PCBD2: variants seen among roughly 807,000 people sequenced by gnomAD.
PCBD2 encodes the protein pterin-4 alpha-carbinolamine dehydratase 2.
In PCBD2, 12 loss-of-function variants were observed where a neutral mutation model predicts 16.4. The observed-to-expected ratio is 0.73, with a 90% CI of 0.47 to 1.19. PCBD2 has a LOEUF of 1.19. Among genes scored for constraint, PCBD2 ranks in the 50% most tolerant of loss-of-function variants. The pLI is 0.00. For synonymous variants in PCBD2, 58 were observed against 61.8 expected (o/e 0.94, Z 0.29); for missense variants, 138 against 156.8 (o/e 0.88, Z 0.64).
chr5:134,936,366 G>A (rs977627171), intron 2 of PCBD2, among the ~76,000 whole-genome samples: 2 of 152,154 alleles, frequency 1.3e-5, no homozygotes, highest in Non-Finnish European at 2.9e-5. Context: ...ATAGCTCTCT[G>A]TGGTTAACCT....
intron 2 of PCBD2, among the ~76,000 whole-genome samples, chr5:134,936,603 C>T (rs1438251409): frequency 6.6e-6 from 1 of 152,184 alleles, no homozygotes; most frequent in Non-Finnish European, 1.5e-5. Context: ...GTTTTGCTGA[C>T]CATGATCCTT....
At chr5:134,936,444 G>C (rs1250065197) in intron 2 of PCBD2, among the ~76,000 whole-genome samples, 2 of 152,282 alleles carry the variant, frequency 1.3e-5, no homozygotes, top group African/African-American at 4.8e-5. Context: ...CCAGAGCCCA[G>C]GAAGGTGCTG....
chr5:134,956,390 A>G (rs1751415476), intron 2 of PCBD2, among the ~76,000 whole-genome samples: 1 of 152,152 alleles, frequency 6.6e-6, no homozygotes, highest in Non-Finnish European at 1.5e-5. Context: ...CTGTGATGGA[A>G]TAGATTTTGC....
intron 2 of PCBD2, among the ~76,000 whole-genome samples, chr5:134,920,248 A>G (rs572855063): frequency 6.6e-6 from 1 of 152,338 alleles, no homozygotes; most frequent in African/African-American, 2.4e-5. Flanking sequence ...GCAGAAAGAC[A>G]CTAAACAAGA....
At chr5:134,927,164 G>C (rs572924844) in intron 2 of PCBD2, 25 of 398,588 alleles carry the variant, frequency 6.3e-5, no homozygotes, top group Middle Eastern at 1.3e-3. Flanking sequence ...CTATGTGGCT[G>C]ATTGAAGAGT....
chr5:134,929,083 A>C (rs1751059415), intron 2 of PCBD2, among the ~76,000 whole-genome samples: 1 of 152,216 alleles, frequency 6.6e-6, no homozygotes, highest in East Asian at 1.9e-4. Context: ...AATAGATGAG[A>C]TGACTCAAGA....
intron 2 of PCBD2, among the ~76,000 whole-genome samples, chr5:134,940,019 GGTC>G (rs1241224611): frequency 2.6e-5 from 4 of 151,598 alleles, no homozygotes; most frequent in Admixed American, 2.6e-4. Flanking sequence ...ACCTATCATT[GGTC>G]CACCCACTTC....
At chr5:134,927,174 T>C (rs1223881448) in intron 2 of PCBD2, 5 of 398,346 alleles carry the variant, frequency 1.3e-5, no homozygotes. Context: ...GATTGAAGAG[T>C]ATGCAATGAG....
Position 134,961,043 on chromosome 5 carries a change from G to A in PCBD2, c.*362G>A, listed in dbSNP as rs1444470237. 1.2e-5 allele frequency: 2 copies of A among 165,644 alleles called. No homozygotes were observed. The highest frequency in any genetic ancestry group is 1.8e-4 in the East Asian group (1 of 5,606). 10.3% of individuals were successfully genotyped at this position (165,644 alleles called of 1,614,324 possible). ...GCCTCCCAAAGTGCTGGGATTACAG[G>A]CATGAGCCACCATGCCTGGCTGTTG... On this transcript the variant is annotated 3_prime_UTR_variant, in exon 4 of 4. Transcript: ENST00000254908.
At chr5:134,948,006 T>C (rs925473602) in intron 2 of PCBD2, among the ~76,000 whole-genome samples, 1 of 152,158 alleles carries the variant, frequency 6.6e-6, no homozygotes, top group African/African-American at 2.4e-5. Context: ...TTGGCAATAA[T>C]GAACAGCCCC....
At chr5:134,931,480 T>C (rs978535022) in intron 2 of PCBD2, among the ~76,000 whole-genome samples, 12 of 152,226 alleles carry the variant, frequency 7.9e-5, no homozygotes, top group African/African-American at 2.9e-4. Flanking sequence ...AGGTGACCTA[T>C]GAACTAACAT....
intron 1 of PCBD2, chr5:134,909,064 C>T (rs1167430965): frequency 6.6e-6 from 1 of 152,200 alleles, no homozygotes; most frequent in East Asian, 1.9e-4. Flanking sequence ...GTCAAGTGTC[C>T]ATATCTTCTC....
intron 2 of PCBD2, among the ~76,000 whole-genome samples, chr5:134,918,036 G>A (rs530235047): frequency 6.6e-6 from 1 of 152,218 alleles, no homozygotes; most frequent in African/African-American, 2.4e-5. Flanking sequence ...TGGAAGTCTC[G>A]ATAGCTCTCA....
intron 1 of PCBD2, among the ~76,000 whole-genome samples, chr5:134,908,629 C>A (rs1327086061): frequency 6.8e-6 from 1 of 146,554 alleles, no homozygotes; most frequent in Non-Finnish European, 1.5e-5. Flanking sequence ...CACACCACTG[C>A]ACTCCAGCCT....
At chr5:134,914,503 G>C (rs1750804161) in intron 2 of PCBD2, among the ~76,000 whole-genome samples, 1 of 151,926 alleles carries the variant, frequency 6.6e-6, no homozygotes, top group African/African-American at 2.4e-5. Context: ...ATGCAGAGTT[G>C]GGCTTAACAA....
intron 2 of PCBD2, among the ~76,000 whole-genome samples, chr5:134,918,184 G>A (rs964575632): frequency 1.3e-5 from 2 of 152,308 alleles, no homozygotes; most frequent in South Asian, 2.1e-4. Context: ...GAGGATGCCT[G>A]TGGCCTGGGC....
chr5:134,941,590 G>A (rs991759589), intron 2 of PCBD2, among the ~76,000 whole-genome samples: 1 of 152,098 alleles, frequency 6.6e-6, no homozygotes, highest in Non-Finnish European at 1.5e-5. Flanking sequence ...TTCTAAAAGA[G>A]ACAGTTACTC....
chr5:134,931,734 G>A lies in PCBD2; in HGVS notation c.216+21268G>A, dbSNP rs564420517. The stretch of plus-strand genomic sequence containing the variant: ...GGATATGGATTGCAGTTTTGTTTAG[G>A]AATGTCTTAGAGCTTTGAATGGGCA... On this transcript the variant is annotated intron_variant, in intron 2 of 3. Transcript: ENST00000254908. Among the ~76,000 whole-genome samples the A allele has an allele frequency of 6.6e-5, 10 of 152,330 alleles. No homozygotes were observed. In the South Asian group the frequency reaches 2.1e-3, roughly 32 times the overall value.
At chr5:134,910,548 C>A in intron 2 of PCBD2, 82 bp downstream of exon 2, 1 of 1,477,590 alleles carries the variant, frequency 6.8e-7, no homozygotes, top group Non-Finnish European at 9.3e-7. Context: ...TGCCAGTTGT[C>A]TGGTCCCATG....
Sources: allele counts gnomAD v4.1 joint callset (sites outside exome capture counted in the v4.1 genomes callset), GRCh38; gene constraint gnomAD v4.1.1; transcripts MANE v1.5; gene names NCBI Gene and HGNC (gene_info 2026-07-23, HGNC 2026-07-21).